Variants in LRRC4C observed in about 807,000 individuals in gnomAD.
LRRC4C encodes the protein leucine-rich repeat-containing protein 4C.
LRRC4C carries 5 observed loss-of-function variants against 33.6 expected under a neutral mutation model. That is an observed-to-expected ratio of 0.15 (90% CI 0.08 to 0.31). The LOEUF is 0.31. LRRC4C is among the 10% of genes least tolerant of loss of function. The pLI is 1.00. For missense variants in LRRC4C, 560 were observed against 796.7 expected (o/e 0.70, Z 3.58); for synonymous variants, 329 against 302.0 (o/e 1.09, Z -0.93).
Position 41,346,803 on chromosome 11 carries a change from C to T in LRRC4C, c.-496+112628G>A, listed in dbSNP as rs191143428. On this transcript the variant is annotated intron_variant, in intron 1 of 6. Coordinates refer to ENST00000528697, the MANE Select transcript of LRRC4C (RefSeq NM_001258419.2). The stretch of plus-strand genomic sequence containing the variant: ...ATGTGGTACTCTTATTCATCTTATA[C>T]TGATTGACAACTAAAGTACCAACTG... Among the ~76,000 whole-genome samples, 9 of 152,204 alleles carry T rather than the reference C, an allele frequency of 5.9e-5. No individual in the cohort carries two copies. In the East Asian group the frequency reaches 1.5e-3, roughly 26 times the overall value.
chr11:40,551,742 G>A (rs371984993), intron 3 of LRRC4C, among the ~76,000 whole-genome samples: 12 of 152,114 alleles, frequency 7.9e-5, no homozygotes, highest in African/African-American at 2.7e-4. Flanking sequence ...CAAATTGTAC[G>A]TCTTGTATTG....
intron 1 of LRRC4C, among the ~76,000 whole-genome samples, chr11:41,182,223 T>G (rs1159042828): frequency 1.3e-5 from 2 of 152,204 alleles, no homozygotes; most frequent in Non-Finnish European, 2.9e-5. Context: ...GACACAATTA[T>G]CACAATTATT....
chr11:41,235,653 G>A (rs1009185287), intron 1 of LRRC4C, among the ~76,000 whole-genome samples: 1 of 152,054 alleles, frequency 6.6e-6, no homozygotes, highest in Non-Finnish European at 1.5e-5. Context: ...TTTTTAAAAC[G>A]TATGAATGTA....
In LRRC4C at chr11:40,558,679, A is replaced by G. The variant is rs78876787; in HGVS notation, c.-270+89463T>C. Among the ~76,000 whole-genome samples, 1,315 of 152,230 alleles carry G rather than the reference A, an allele frequency of 8.6e-3. 15 individuals carry two copies. The highest frequency in any genetic ancestry group is 0.031 in the African/African-American group (1,272 of 41,528). On this transcript the variant is annotated intron_variant, in intron 3 of 6. Coordinates refer to ENST00000528697, the MANE Select transcript of LRRC4C (RefSeq NM_001258419.2). ...TTAGCAAAGATCTTTGCTTACTCTT[A>G]GCCTAAACGGACATGATTTTTTAAA...
At chr11:40,647,343 T>A (rs10501239) in intron 3 of LRRC4C, among the ~76,000 whole-genome samples, 56,656 of 152,110 alleles carry the variant, frequency 0.37, 11,737 homozygotes, top group East Asian at 0.6. Context: ...TTAATGTCAC[T>A]ATAATTTGAT....
At chr11:40,725,816 T>C (rs1265505668) in intron 2 of LRRC4C, among the ~76,000 whole-genome samples, 2 of 152,174 alleles carry the variant, frequency 1.3e-5, no homozygotes, top group Admixed American at 1.3e-4. Context: ...TCAGCATCTC[T>C]TTCCTGTGTG....
chr11:40,305,388 GT>G (rs758860440), intron 4 of LRRC4C, among the ~76,000 whole-genome samples: 1 of 152,238 alleles, frequency 6.6e-6, no homozygotes, highest in East Asian at 1.9e-4. Flanking sequence ...TCATAGAATG[GT>G]ACCAAGCACA....
At chr11:41,031,357 T>G (rs1856718673) in intron 1 of LRRC4C, among the ~76,000 whole-genome samples, 1 of 152,090 alleles carries the variant, frequency 6.6e-6, no homozygotes, top group South Asian at 2.1e-4. Flanking sequence ...GCTTAATCTC[T>G]TATGGGCACC....
intron 1 of LRRC4C, among the ~76,000 whole-genome samples, chr11:41,052,110 G>A (rs1858273629): frequency 6.6e-6 from 1 of 152,022 alleles, no homozygotes; most frequent in South Asian, 2.1e-4. Context: ...TAATACCTGA[G>A]CACCTACTCA....
chr11:40,505,755 A>G (rs1042545964), intron 3 of LRRC4C, among the ~76,000 whole-genome samples: 4 of 152,154 alleles, frequency 2.6e-5, no homozygotes, highest in African/African-American at 9.7e-5. Context: ...TAGCAAAGTT[A>G]TTATTTCAAA....
chr11:40,470,795 A>T, intron 3 of LRRC4C, among the ~76,000 whole-genome samples: 1 of 152,222 alleles, frequency 6.6e-6, no homozygotes, highest in East Asian at 1.9e-4. Flanking sequence ...GAGATTGAAG[A>T]TCAACTTAAT....
intron 2 of LRRC4C, among the ~76,000 whole-genome samples, chr11:40,697,959 A>T (rs7941819): frequency 0.6 from 89,760 of 150,512 alleles, 27,015 homozygotes; most frequent in East Asian, 0.7. Context: ...TCCCAGCTAC[A>T]GGGGAGGCTG....
intron 5 of LRRC4C, among the ~76,000 whole-genome samples, chr11:40,143,284 C>T (rs1048182334): frequency 6.6e-6 from 1 of 152,158 alleles, no homozygotes; most frequent in Non-Finnish European, 1.5e-5. Flanking sequence ...GTGGAGGGAT[C>T]CTATTTGAAT....
intron 1 of LRRC4C, among the ~76,000 whole-genome samples, chr11:41,263,724 T>C (rs1949056657): frequency 6.6e-6 from 1 of 152,164 alleles, no homozygotes; most frequent in Non-Finnish European, 1.5e-5. Context: ...AGTCAACTTA[T>C]TTGTTCACAG....
chr11:40,637,666 C>G (rs574183868), intron 3 of LRRC4C, among the ~76,000 whole-genome samples: 1 of 152,262 alleles, frequency 6.6e-6, no homozygotes, highest in Admixed American at 6.5e-5. Context: ...CTTTAATCAT[C>G]TCACACATTA....
intron 1 of LRRC4C, among the ~76,000 whole-genome samples, chr11:41,372,504 T>C (rs1189562557): frequency 1.3e-5 from 2 of 152,214 alleles, no homozygotes; most frequent in African/African-American, 4.8e-5. Context: ...GAAACAGGAA[T>C]GCTTGGTGTG....
rs138008919 is a variant in LRRC4C, at chr11:41,320,308, T to C, written c.-496+139123A>G. Among the ~76,000 whole-genome samples the C allele has an allele frequency of 1.3e-3, 203 of 152,310 alleles. No homozygotes were observed. In the Middle Eastern group the frequency reaches 0.02, roughly 15 times the overall value. On this transcript the variant is annotated intron_variant, in intron 1 of 6. Coordinates refer to ENST00000528697, the MANE Select transcript of LRRC4C (RefSeq NM_001258419.2). The stretch of plus-strand genomic sequence containing the variant: ...GATTTAGCCGATGGTAATCCACATT[T>C]GAAAGACATAGAAGAAAGAAAAGCT...
chr11:40,437,403 T>C (rs910268719), intron 3 of LRRC4C, among the ~76,000 whole-genome samples: 3 of 152,016 alleles, frequency 2.0e-5, no homozygotes, highest in Non-Finnish European at 4.4e-5. Flanking sequence ...TTTTCTTTTT[T>C]TTTTTTTGGA....
chr11:40,225,619 C>CTCT (rs1554980141), intron 5 of LRRC4C, among the ~76,000 whole-genome samples: 1 of 140,828 alleles, frequency 7.1e-6, no homozygotes, highest in Non-Finnish European at 1.5e-5. Context: ...CTCTCTCTCT[C>CTCT]TTTTTTTTTT....
Sources: allele counts gnomAD v4.1 joint callset (sites outside exome capture counted in the v4.1 genomes callset), GRCh38; gene constraint gnomAD v4.1.1; transcripts MANE v1.5; gene names NCBI Gene and HGNC (gene_info 2026-07-23, HGNC 2026-07-21).